Variants in TMTC1 observed in about 807,000 individuals in gnomAD.
TMTC1 encodes protein O-mannosyl-transferase TMTC1.
TMTC1 carries 73 observed loss-of-function variants against 104.8 expected under a neutral mutation model. The ratio of observed to expected loss-of-function variants is 0.70; its 90% CI spans 0.58 to 0.85. The LOEUF (loss-of-function observed/expected upper bound fraction) is 0.85, where lower values mean the gene tolerates loss of function less well. TMTC1 is among the 40% of genes least tolerant of loss of function. The pLI, the probability that TMTC1 is intolerant of heterozygous loss-of-function variation, is 0.00. For synonymous variants in TMTC1, 434 were observed against 428.7 expected, an observed-to-expected ratio of 1.01 and a Z score of -0.15; for missense variants, 1,035 against 1,096.1, an observed-to-expected ratio of 0.94 and a Z score of 0.79.
In TMTC1 at chr12:29,506,784, CT is replaced by C; in HGVS notation, c.*61del. 2 of 1,595,368 alleles carry C rather than the reference CT, an allele frequency of 1.3e-6. No individual in the cohort carries two copies. Among genetic ancestry groups the C allele is most frequent in the Non-Finnish European group, 8.6e-7 (1 of 1,164,760 alleles). ...TGCCCCTGCTGATGTGAAAGCAAGG[CT>C]TCCATCACTCCCCTTTCAGAGGCAC... On this transcript the variant is annotated 3_prime_UTR_variant, in exon 18 of 18. Coordinates refer to ENST00000539277, the MANE Select transcript of TMTC1 (RefSeq NM_001193451.2).
At chr12:29,757,859 C>T (rs1228133015) in intron 3 of TMTC1, among the ~76,000 whole-genome samples, 5 of 152,006 alleles carry the variant, frequency 3.3e-5, no homozygotes, top group African/African-American at 9.7e-5. Flanking sequence ...CATCAGATCT[C>T]GTGAGACTTA....
chr12:29,725,247 G>A (rs1270412863), intron 5 of TMTC1, among the ~76,000 whole-genome samples: 2 of 151,428 alleles, frequency 1.3e-5, no homozygotes, highest in African/African-American at 2.4e-5. Flanking sequence ...GGCTGGTCTC[G>A]AACTTGTGAC....
At chr12:29,647,578 G>A (rs1049821696) in intron 5 of TMTC1, among the ~76,000 whole-genome samples, 5 of 152,096 alleles carry the variant, frequency 3.3e-5, no homozygotes, top group Admixed American at 2.6e-4. Context: ...ACCATCAACC[G>A]AAATGGAAAG....
intron 6 of TMTC1, among the ~76,000 whole-genome samples, chr12:29,614,258 G>A (rs924183558): frequency 6.6e-6 from 1 of 152,182 alleles, no homozygotes; most frequent in Non-Finnish European, 1.5e-5. Flanking sequence ...CCTGTTATCT[G>A]TCAATGTACT....
At chr12:29,594,720 C>T (rs755348616) in intron 7 of TMTC1, among the ~76,000 whole-genome samples, 7 of 152,302 alleles carry the variant, frequency 4.6e-5, no homozygotes, top group South Asian at 2.1e-4. Flanking sequence ...CGCAAAGTTA[C>T]GGCCCACTTT....
chr12:29,649,850 G>A (rs184017303), intron 5 of TMTC1, among the ~76,000 whole-genome samples: 13 of 152,234 alleles, frequency 8.5e-5, no homozygotes, highest in African/African-American at 3.1e-4. Flanking sequence ...GGCTTGACAA[G>A]GCTTAACGTT....
At chr12:29,606,807 A>C (rs980829255) in intron 6 of TMTC1, among the ~76,000 whole-genome samples, 1 of 152,112 alleles carries the variant, frequency 6.6e-6, no homozygotes, top group African/African-American at 2.4e-5. Context: ...CTATATCCCC[A>C]GCATCACACG....
rs1281579165 is a variant in TMTC1 at position 29,767,907 on chromosome 12, A to G, written c.471T>C (p.His157=). The G allele has an allele frequency of 1.9e-6, 3 of 1,613,558 alleles. No homozygotes were observed. The highest frequency in any genetic ancestry group is 3.3e-5 in the Admixed American group (2 of 59,916). The change falls in exon 2 of 18, where the codon CAT becomes CAC. Residue 157 remains histidine, a synonymous_variant. Coordinates refer to ENST00000539277, the MANE Select transcript of TMTC1 (RefSeq NM_001193451.2). ...ATCCAATTACACTTACCGCCTCAGTATGAATAGGATGTACAGCAAAAAGCA... is the reference window on the plus strand; with the variant it reads ...ATCCAATTACACTTACCGCCTCAGTGTGAATAGGATGTACAGCAAAAAGCA... ...TALLFAVHPI[H]TEAVAGIVGR...
chr12:29,520,643 G>C lies in TMTC1; in HGVS notation c.1863C>G (p.Asn621Lys). The change falls in exon 12 of 18, where the codon AAC (asparagine) becomes AAG (lysine). Residue 621 changes from asparagine to lysine, a missense_variant. Transcript: ENST00000539277. Reference sequence around the variant, plus strand: ...CAGTATCAACTAAGAAAACCCCATAGTTGTTGTGTAAATCTGAGCTGTCTG... The same window carrying C: ...CAGTATCAACTAAGAAAACCCCATACTTGTTGTGTAAATCTGAGCTGTCTG... Reference protein sequence around the residue: ...NCPDSSDLHNNYGVFLVDTGL... With the variant: ...NCPDSSDLHNKYGVFLVDTGL... The C allele has an allele frequency of 6.2e-7, 1 of 1,613,558 alleles. No individual in the cohort carries two copies. The highest frequency in any genetic ancestry group is 1.1e-5 in the South Asian group (1 of 91,002).
chr12:29,632,920 A>T lies in TMTC1; in HGVS notation c.1128+227T>A, dbSNP rs34911011. On this transcript the variant is annotated intron_variant, in intron 6 of 17. Transcript: ENST00000539277. ...TTGAAAATCAGCCAACCACAGTAGT[A>T]ACCTCTCATTTACAAACATTAAGCT... Among the ~76,000 whole-genome samples the T allele has an allele frequency of 0.045, 6,856 of 152,104 alleles. 164 individuals are homozygous for T. Among genetic ancestry groups the T allele is most frequent in the Middle Eastern group, 0.11 (33 of 294 alleles).
chr12:29,647,092 G>A (rs1215673153), intron 5 of TMTC1, among the ~76,000 whole-genome samples: 4 of 152,182 alleles, frequency 2.6e-5, no homozygotes, highest in Non-Finnish European at 4.4e-5. Context: ...GCGCAATCTC[G>A]GCTCACTGCA....
chr12:29,569,575 A>G (rs578253445), intron 9 of TMTC1, among the ~76,000 whole-genome samples: 14 of 152,342 alleles, frequency 9.2e-5, no homozygotes, highest in African/African-American at 3.1e-4. Flanking sequence ...AGCAACATCA[A>G]AATAAAGGCA....
Position 29,766,578 on chromosome 12 carries a change from A to G in TMTC1, c.480+1320T>C, listed in dbSNP as rs1239750185. On this transcript the variant is annotated intron_variant, in intron 2 of 17. Transcript: ENST00000539277. ...AGACTATTCCTTTGTAAGGTACCTC[A>G]GAGGCTTGTACACCTGGGGCATAGT... Among the ~76,000 whole-genome samples, 4 of 152,146 alleles carry G rather than the reference A, an allele frequency of 2.6e-5. No individual in the cohort carries two copies. In the East Asian group the frequency reaches 5.8e-4, roughly 22 times the overall value.
At chr12:29,705,729 G>GT (rs1189752379) in intron 5 of TMTC1, among the ~76,000 whole-genome samples, 1 of 152,042 alleles carries the variant, frequency 6.6e-6, no homozygotes, top group Non-Finnish European at 1.5e-5. Context: ...TTAAGCTTCT[G>GT]TTTTTTCTCA....
chr12:29,568,843 C>T, intron 9 of TMTC1: 1 of 449,906 alleles, frequency 2.2e-6, no homozygotes, highest in East Asian at 7.0e-5. Flanking sequence ...GGTCTCTGGA[C>T]TTTCTACTCC....
At chr12:29,589,157 C>A (rs1946216794) in intron 7 of TMTC1, among the ~76,000 whole-genome samples, 1 of 152,196 alleles carries the variant, frequency 6.6e-6, no homozygotes, top group African/African-American at 2.4e-5. Context: ...CCCCTATCTG[C>A]TCCTTTTCTC....
At chr12:29,733,858 T>C (rs565381556) in intron 5 of TMTC1, among the ~76,000 whole-genome samples, 12 of 152,346 alleles carry the variant, frequency 7.9e-5, no homozygotes, top group African/African-American at 2.9e-4. Flanking sequence ...GCTCATTTTA[T>C]TGTTTTACTT....
intron 17 of TMTC1, among the ~76,000 whole-genome samples, chr12:29,508,842 G>C (rs1171740763): frequency 1.3e-5 from 2 of 151,900 alleles, no homozygotes; most frequent in African/African-American, 4.8e-5. Context: ...AATCCCAAAG[G>C]GCTGGGATTA....
At chr12:29,539,074 G>C (rs1944722636) in intron 10 of TMTC1, among the ~76,000 whole-genome samples, 1 of 152,166 alleles carries the variant, frequency 6.6e-6, no homozygotes, top group African/African-American at 2.4e-5. Context: ...GGAATGAAGA[G>C]AATATTTCTT....
Sources: allele counts gnomAD v4.1 joint callset (sites outside exome capture counted in the v4.1 genomes callset), GRCh38; gene constraint gnomAD v4.1.1; transcripts MANE v1.5; gene names NCBI Gene and HGNC (gene_info 2026-07-23, HGNC 2026-07-21).